CARD8: variants seen among roughly 807,000 people sequenced by gnomAD.
CARD8 encodes caspase recruitment domain family member 8.
A neutral mutation model predicts 53.2 loss-of-function variants in CARD8; 38 were observed. The observed-to-expected ratio is 0.71, with a 90% confidence interval of 0.55 to 0.94. CARD8 has a LOEUF of 0.94. CARD8 is among the 40% of genes least tolerant of loss of function. The pLI is 0.00. For synonymous variants in CARD8, 245 were observed against 244.9 expected, an observed-to-expected ratio of 1.00 and a Z score of 0.00; for missense variants, 561 against 655.5, an observed-to-expected ratio of 0.86 and a Z score of 1.57.
chr19:48,243,275 A>G (rs2045530758), intron 3 of CARD8, among the ~76,000 whole-genome samples: 2 of 152,160 alleles, frequency 1.3e-5, no homozygotes, highest in Admixed American at 1.3e-4. Context: ...AGCCTCTCAA[A>G]GTGCTGGGAT....
downstream of CARD8, among the ~76,000 whole-genome samples, chr19:48,205,958 T>C (rs945603838): frequency 1.3e-5 from 2 of 152,062 alleles, no homozygotes; most frequent in Admixed American, 6.6e-5. Flanking sequence ...AGTGCAGTGG[T>C]GCAATTTTGG....
chr19:48,219,315 C>T (rs184220022), intron 11 of CARD8, among the ~76,000 whole-genome samples: 135 of 152,208 alleles, frequency 8.9e-4, no homozygotes, highest in African/African-American at 3.2e-3. Context: ...ATTAATGATG[C>T]GACCAGCTCA....
At chr19:48,227,350 C>CT (rs2041989721) in intron 10 of CARD8, among the ~76,000 whole-genome samples, 1 of 152,116 alleles carries the variant, frequency 6.6e-6, no homozygotes, top group African/African-American at 2.4e-5. Context: ...GAGAAATCCT[C>CT]TGCTTGTGGG....
chr19:48,211,848 T>G lies in CARD8; in HGVS notation c.1476A>C (p.Glu492Asp), dbSNP rs764663963. 7 of 1,614,180 alleles carry G rather than the reference T, an allele frequency of 4.3e-6. No individual in the cohort carries two copies. The South Asian group carries it at 5.5e-5, about 13-fold the overall frequency. ...TENEKELVEQEKTRQSKNEAL... is the reference protein window; with the variant it reads ...TENEKELVEQDKTRQSKNEAL... ...CCTCATTCTTGCTCTGCCGTGTCTT[T>G]TCCTGCTCCACCAGCTCCTTCTCAT... Residue 492 changes from glutamate (E) to aspartate (D), a missense_variant, in exon 14 of 14, where the codon GAA becomes GAC. Physicochemically the swap from Glu to Asp is conservative, Grantham distance 45. Coordinates refer to ENST00000651546, the MANE Select transcript of CARD8 (RefSeq NM_001184900.3).
chr19:48,244,702 G>A (rs893426911), intron 3 of CARD8, among the ~76,000 whole-genome samples: 12 of 152,092 alleles, frequency 7.9e-5, no homozygotes, highest in Non-Finnish European at 1.3e-4. Context: ...AATCAGGCAT[G>A]GAACGGTCCC....
intron 10 of CARD8, among the ~76,000 whole-genome samples, chr19:48,224,356 A>G (rs1230326727): frequency 6.6e-6 from 1 of 152,216 alleles, no homozygotes; most frequent in Non-Finnish European, 1.5e-5. Context: ...TCATTTAGGC[A>G]TGTAACCAAC....
chr19:48,243,139 A>C (rs902461762), intron 3 of CARD8, among the ~76,000 whole-genome samples: 76 of 152,230 alleles, frequency 5.0e-4, no homozygotes, highest in African/African-American at 1.7e-3. Context: ...CAGCCTCCTG[A>C]GCAGCTGGGA....
At chr19:48,225,935 C>T (rs1005303160) in intron 10 of CARD8, among the ~76,000 whole-genome samples, 1 of 151,868 alleles carries the variant, frequency 6.6e-6, no homozygotes, top group African/African-American at 2.4e-5. Flanking sequence ...CGCCTATAGT[C>T]CCAGCTACTC....
chr19:48,242,643 G>A (rs570642642), intron 3 of CARD8: 1 of 152,216 alleles, frequency 6.6e-6, no homozygotes, highest in East Asian at 1.9e-4. Context: ...TCCACTTTGG[G>A]GCTGTTATGA....
intron 10 of CARD8, chr19:48,223,766 A>G (rs1335015426): frequency 1.1e-5 from 5 of 450,338 alleles, no homozygotes; most frequent in African/African-American, 6.0e-5. Context: ...AGTTCTTATC[A>G]TATGCACATA....
At chr19:48,247,191 G>C (rs1047296073) in intron 3 of CARD8, among the ~76,000 whole-genome samples, 1 of 152,162 alleles carries the variant, frequency 6.6e-6, no homozygotes, top group African/African-American at 2.4e-5. Flanking sequence ...GGGTGTGGTG[G>C]CATGGGCCTG....
At chr19:48,237,480 C>T (rs1457187887) in intron 5 of CARD8, among the ~76,000 whole-genome samples, 1 of 152,020 alleles carries the variant, frequency 6.6e-6, no homozygotes, top group African/African-American at 2.4e-5. Context: ...GACAAACATC[C>T]AAATCATATC....
chr19:48,219,464 T>TA (rs1048323640), intron 11 of CARD8, among the ~76,000 whole-genome samples: 8 of 151,994 alleles, frequency 5.3e-5, no homozygotes, highest in South Asian at 2.1e-4. Flanking sequence ...CCAGGATTCC[T>TA]AAAAAAAGCT....
chr19:48,240,869 G>T, intron 4 of CARD8, 93 bp downstream of exon 4: 1 of 1,038,436 alleles, frequency 9.6e-7, no homozygotes, highest in South Asian at 1.4e-5. Flanking sequence ...CTTTCTTCCA[G>T]AAAACATCCA....
chr19:48,234,193 T>C, intron 6 of CARD8: 3 of 522,370 alleles, frequency 5.7e-6, no homozygotes, highest in African/African-American at 1.9e-5. Flanking sequence ...TGCCTTTTTG[T>C]GTATAGGTTC....
intron 7 of CARD8, 118 bp from the exon 8 acceptor site, chr19:48,231,928 G>T (rs767046602): frequency 1.2e-6 from 1 of 867,338 alleles, no homozygotes; most frequent in Non-Finnish European, 1.9e-6. Context: ...AATGAGAGCT[G>T]AGAGTGACCA....
chr19:48,244,226 C>T (rs1250670190), intron 3 of CARD8, among the ~76,000 whole-genome samples: 1 of 152,074 alleles, frequency 6.6e-6, no homozygotes, highest in Non-Finnish European at 1.5e-5. Context: ...CTACCTGGTA[C>T]TTCTGAAATG....
chr19:48,221,646 T>G (rs2040653331), intron 11 of CARD8, 84 bp downstream of exon 11: 10 of 978,716 alleles, frequency 1.0e-5, no homozygotes, highest in Non-Finnish European at 1.3e-5. Context: ...AAGAAAAATG[T>G]TGCATTTTGC....
intron 1 of CARD8, among the ~76,000 whole-genome samples, chr19:48,252,644 A>G (rs2047068428): frequency 6.6e-6 from 1 of 151,766 alleles, no homozygotes; most frequent in South Asian, 2.1e-4. Context: ...ATAGGTGTGC[A>G]CCACCATGCC....
Sources: allele counts gnomAD v4.1 joint callset (sites outside exome capture counted in the v4.1 genomes callset), GRCh38; gene constraint gnomAD v4.1.1; transcripts MANE v1.5; gene names NCBI Gene and HGNC (gene_info 2026-07-23, HGNC 2026-07-21).